AKT3: variants seen among roughly 807,000 people sequenced by gnomAD.
AKT3 encodes RAC-gamma serine/threonine-protein kinase.
A neutral mutation model predicts 65.3 loss-of-function variants in AKT3; 15 were observed. The ratio of observed to expected loss-of-function variants is 0.23; its 90% CI spans 0.15 to 0.35. AKT3 has a LOEUF of 0.35. Ranked by LOEUF, AKT3 falls within the 10% of genes least tolerant of loss-of-function variation. The pLI is 1.00. For synonymous variants in AKT3, 206 were observed against 183.8 expected (o/e 1.12, Z -0.98); for missense variants, 243 against 576.5 (o/e 0.42, Z 5.92).
intron 9 of AKT3, among the ~76,000 whole-genome samples, chr1:243,565,119 C>T (rs114524074): frequency 3.8e-4 from 58 of 152,274 alleles, no homozygotes; most frequent in African/African-American, 1.4e-3. Flanking sequence ...TCTAACTAAA[C>T]CAAATGCTTG....
intron 2 of AKT3, among the ~76,000 whole-genome samples, chr1:243,760,278 C>G (rs979585397): frequency 9.1e-6 from 1 of 109,598 alleles, no homozygotes; most frequent in African/African-American, 3.4e-5. Context: ...ACCTCTATAT[C>G]TGGCTTTTTT....
intron 2 of AKT3, chr1:243,788,867 T>C (rs887985939): frequency 2.6e-5 from 4 of 152,332 alleles, no homozygotes; most frequent in African/African-American, 7.2e-5. Flanking sequence ...CAATTGACTC[T>C]TCCTTATGAA....
At chr1:243,606,652 C>G (rs1283388345) in intron 8 of AKT3, among the ~76,000 whole-genome samples, 3 of 152,210 alleles carry the variant, frequency 2.0e-5, no homozygotes, top group African/African-American at 7.2e-5. Context: ...GAAATTCAAG[C>G]CCACTGCAAA....
At chr1:243,605,183 C>A (rs938300052) in intron 8 of AKT3, among the ~76,000 whole-genome samples, 3 of 151,982 alleles carry the variant, frequency 2.0e-5, no homozygotes, top group African/African-American at 4.8e-5. Flanking sequence ...GTACACATCA[C>A]CATACATGGC....
At chr1:243,798,563 T>G (rs1692190208) in intron 2 of AKT3, among the ~76,000 whole-genome samples, 1 of 152,042 alleles carries the variant, frequency 6.6e-6, no homozygotes, top group Non-Finnish European at 1.5e-5. Context: ...CTTGATATTA[T>G]CTAATTTCCT....
intron 3 of AKT3, among the ~76,000 whole-genome samples, chr1:243,677,531 AAT>A (rs1683604147): frequency 6.6e-6 from 1 of 152,062 alleles, no homozygotes; most frequent in African/African-American, 2.4e-5. Flanking sequence ...TATATGAAAA[AAT>A]ATATTTTTCA....
chr1:243,832,858 C>T (rs1694627105), intron 2 of AKT3, among the ~76,000 whole-genome samples: 1 of 152,080 alleles, frequency 6.6e-6, no homozygotes, highest in Admixed American at 6.6e-5. Flanking sequence ...AGAAAAGGTA[C>T]AGTAAAAATA....
In AKT3 at chr1:243,499,745, A is replaced by AT. The variant is rs749233183; in HGVS notation, c.*5503dup. ...GAGCTATTGAAACTTACTTTTTATT[A>AT]TTTTTTCCAGTTACCCAGCATGCCA... On this transcript the variant is annotated 3_prime_UTR_variant, in exon 14 of 14. Coordinates refer to ENST00000673466, the MANE Select transcript of AKT3 (RefSeq NM_005465.7). 5.0e-6 allele frequency: 8 copies of AT among 1,608,044 alleles called. No individual in the cohort carries two copies. The highest frequency in any genetic ancestry group is 1.7e-5 in the Admixed American group (1 of 60,010).
At position 243,500,270 on chromosome 1, in the gene AKT3, C is replaced by T. The variant is rs1669138750; in HGVS notation, c.*4979G>A. 1 of 229,650 alleles carries T rather than the reference C, an allele frequency of 4.4e-6. No homozygotes were observed. Among genetic ancestry groups the T allele is most frequent in the East Asian group, 6.3e-5 (1 of 15,882 alleles). The allele number at this position is 229,650 out of a possible 1,614,324, so 14.2% of individuals were successfully genotyped here. On this transcript the variant is annotated 3_prime_UTR_variant, in exon 14 of 14. Transcript: ENST00000673466. ...CCTTTAATCAATGTCCCATCAGACTCCATTTTATTTATTTATCGTCCTACT... is the reference window on the plus strand; with the variant it reads ...CCTTTAATCAATGTCCCATCAGACTTCATTTTATTTATTTATCGTCCTACT...
chr1:243,610,668 A>G (rs1339234411), intron 8 of AKT3, among the ~76,000 whole-genome samples: 1 of 152,244 alleles, frequency 6.6e-6, no homozygotes, highest in African/African-American at 2.4e-5. Flanking sequence ...ATAAATGAAA[A>G]GTCTTCCTCC....
At chr1:243,563,977 C>G in intron 9 of AKT3, 129 bp from the exon 10 acceptor site, 1 of 755,938 alleles carries the variant, frequency 1.3e-6, no homozygotes, top group Admixed American at 3.5e-5. Flanking sequence ...TAATAGAACG[C>G]TCAGTACTTA....
At chr1:243,506,700 G>A (rs922620790) in intron 13 of AKT3, among the ~76,000 whole-genome samples, 11 of 152,222 alleles carry the variant, frequency 7.2e-5, no homozygotes, top group Admixed American at 5.9e-4. Context: ...CCATCAAGAA[G>A]CATTTGTGGC....
intron 6 of AKT3, among the ~76,000 whole-genome samples, chr1:243,618,966 C>T (rs1678543281): frequency 6.6e-6 from 1 of 152,058 alleles, no homozygotes; most frequent in Non-Finnish European, 1.5e-5. Flanking sequence ...ACCAACTGAT[C>T]CCACATCTAA....
chr1:243,732,067 C>T (rs1242822932), intron 2 of AKT3, among the ~76,000 whole-genome samples: 2 of 152,128 alleles, frequency 1.3e-5, no homozygotes. Flanking sequence ...ATCTTAACAA[C>T]ACTACCCACT....
intron 12 of AKT3, among the ~76,000 whole-genome samples, chr1:243,523,898 A>G (rs946810843): frequency 1.6e-4 from 25 of 152,122 alleles, no homozygotes; most frequent in African/African-American, 6.0e-4. Context: ...CTTACCATAA[A>G]CTACAGTCAT....
At chr1:243,498,238 G>A (rs371936163), downstream of AKT3, among the ~76,000 whole-genome samples, 9 of 152,204 alleles carry the variant, frequency 5.9e-5, no homozygotes, top group East Asian at 1.9e-4. Flanking sequence ...CAATCAGATC[G>A]TGTTGGTGGC....
At chr1:243,489,232 G>A in intron 13 of AKT3, 2 of 1,496,132 alleles carry the variant, frequency 1.3e-6, no homozygotes, top group Non-Finnish European at 1.8e-6. Flanking sequence ...CTTTCTCACG[G>A]ATCACATCGG....
In AKT3 at chr1:243,708,413, A is replaced by C. The variant is rs114881292; in HGVS notation, c.47-12697T>G. ...TGGCCCTCTGAGGGCAGTATTACCT[A>C]ACACATAGAAATTTCAGAAAACAAT... On this transcript the variant is annotated intron_variant, in intron 2 of 13. Transcript: ENST00000673466. Among the ~76,000 whole-genome samples, 395 of 152,148 alleles carry C rather than the reference A, an allele frequency of 2.6e-3. 5 individuals carry two copies. Among genetic ancestry groups the C allele is most frequent in the African/African-American group, 9.3e-3 (385 of 41,584 alleles).
intron 2 of AKT3, among the ~76,000 whole-genome samples, chr1:243,713,513 G>A (rs936202965): frequency 6.6e-6 from 1 of 151,842 alleles, no homozygotes; most frequent in African/African-American, 2.4e-5. Context: ...TATTCAGTTC[G>A]ACATCTGCAC....
Sources: gnomAD v4.1 joint callset for allele counts (sites outside exome capture counted in the v4.1 genomes callset) on GRCh38, gnomAD v4.1.1 for gene constraint, MANE v1.5 for transcripts, NCBI Gene and HGNC (gene_info 2026-07-23, HGNC 2026-07-21) for gene names.